Variants in SNX18 observed in about 807,000 individuals in gnomAD.
SNX18 encodes the protein sorting nexin-18.
Under a neutral mutation model 48.7 loss-of-function variants are expected in SNX18, and 35 were observed. The observed-to-expected ratio is 0.72, with a 90% CI of 0.55 to 0.95. The LOEUF is 0.95. SNX18 is among the 40% of genes least tolerant of loss of function. SNX18 has a pLI of 0.00. For synonymous variants in SNX18, 492 were observed against 384.7 expected, an observed-to-expected ratio of 1.28 and a Z score of -3.26; for missense variants, 824 against 871.0, an observed-to-expected ratio of 0.95 and a Z score of 0.68.
chr5:54,552,071 C>T, the SNX18 span, among the ~76,000 whole-genome samples: 2 of 152,218 alleles, frequency 1.3e-5, no homozygotes, highest in East Asian at 3.9e-4. Context: ...GAGGAGAGAG[C>T]AGCCACAGTG....
At chr5:54,575,031 C>A in the SNX18 span, among the ~76,000 whole-genome samples, 1 of 152,070 alleles carries the variant, frequency 6.6e-6, no homozygotes, top group East Asian at 1.9e-4. Flanking sequence ...CTTGTTGCAC[C>A]TTGCCACTTC....
chr5:54,588,471 G>T, the SNX18 span, among the ~76,000 whole-genome samples: 5 of 151,626 alleles, frequency 3.3e-5, no homozygotes, highest in African/African-American at 1.2e-4. Flanking sequence ...GGGACCACAG[G>T]CACCCACCAC....
the SNX18 span, among the ~76,000 whole-genome samples, chr5:54,636,810 C>T: frequency 9.2e-5 from 14 of 152,296 alleles, no homozygotes; most frequent in African/African-American, 3.4e-4. Flanking sequence ...AACTCACTTA[C>T]TCCTCACAGT....
At chr5:54,578,539 G>A in the SNX18 span, among the ~76,000 whole-genome samples, 11 of 152,200 alleles carry the variant, frequency 7.2e-5, no homozygotes, top group African/African-American at 2.7e-4. Context: ...GTTAATTAAA[G>A]GTCATGAAGA....
At chr5:54,550,883 C>T (rs1580114963), downstream of SNX18, among the ~76,000 whole-genome samples, 1 of 152,188 alleles carries the variant, frequency 6.6e-6, no homozygotes, top group South Asian at 2.1e-4. Context: ...CTGCGCCTGG[C>T]CTATGTGTAG....
the SNX18 span, among the ~76,000 whole-genome samples, chr5:54,619,964 T>C: frequency 6.6e-6 from 1 of 152,166 alleles, no homozygotes; most frequent in East Asian, 1.9e-4. Flanking sequence ...AAAGTAAGCA[T>C]GTGAAATTAC....
At position 54,518,648 on chromosome 5, in the gene SNX18, C is replaced by T. The variant is rs376563449; in HGVS notation, c.696C>T (p.Phe232=). The T allele has an allele frequency of 1.3e-4, 199 of 1,558,956 alleles. 1 individual carries two copies. The highest frequency in any genetic ancestry group is 1.6e-4 in the Non-Finnish European group (188 of 1,153,912). ...SATVSRNLNR[F]STFVKSGGEA... ...CCGTGAGCCGCAACCTCAATCGCTTCTCCACCTTCGTCAAGTCCGGCGGGG... is the reference window on the plus strand; with the variant it reads ...CCGTGAGCCGCAACCTCAATCGCTTTTCCACCTTCGTCAAGTCCGGCGGGG... Residue 232 remains phenylalanine (F), a synonymous_variant, in exon 1 of 2, where the codon TTC becomes TTT. Coordinates refer to ENST00000381410, the MANE Select transcript of SNX18 (RefSeq NM_001102575.2).
At chr5:54,555,373 C>T in the SNX18 span, among the ~76,000 whole-genome samples, 108,704 of 151,014 alleles carry the variant, frequency 0.72, 39,803 homozygotes, top group Non-Finnish European at 0.79. Flanking sequence ...ACCCGGCATA[C>T]CTTTCTTTTT....
At chr5:54,605,323 G>A in the SNX18 span, among the ~76,000 whole-genome samples, 34 of 152,226 alleles carry the variant, frequency 2.2e-4, no homozygotes, top group African/African-American at 7.9e-4. Context: ...AATTGTTCCA[G>A]AGTAGTACCA....
chr5:54,611,705 C>T, the SNX18 span, among the ~76,000 whole-genome samples: 2 of 151,984 alleles, frequency 1.3e-5, no homozygotes. Flanking sequence ...AAAGCATAAA[C>T]GCCACTCACA....
At chr5:54,641,660 A>C in the SNX18 span, among the ~76,000 whole-genome samples, 3 of 152,176 alleles carry the variant, frequency 2.0e-5, no homozygotes, top group Non-Finnish European at 4.4e-5. Context: ...CACAACAAAA[A>C]TTTTTATCCC....
At chr5:54,580,211 T>C in the SNX18 span, among the ~76,000 whole-genome samples, 2 of 152,204 alleles carry the variant, frequency 1.3e-5, no homozygotes, top group Admixed American at 1.3e-4. Flanking sequence ...AAGCATTTAC[T>C]ACAGCTGGCC....
Position 54,518,294 on chromosome 5 carries a change from G to C in SNX18, c.342G>C (p.Pro114=). ...FQALLQPQQA[P]PPSTFQPPGA... Reference sequence around the variant, plus strand: ...CGCTGCTGCAGCCACAGCAGGCGCCGCCTCCGAGCACCTTCCAGCCGCCCG... The same window carrying C: ...CGCTGCTGCAGCCACAGCAGGCGCCCCCTCCGAGCACCTTCCAGCCGCCCG... Residue 114 remains proline, a synonymous_variant, in exon 1 of 2, where the codon CCG becomes CCC. Transcript: ENST00000381410. The C allele has an allele frequency of 6.6e-7, 1 of 1,506,530 alleles. No individual in the cohort carries two copies. The highest frequency in any genetic ancestry group is 8.8e-7 in the Non-Finnish European group (1 of 1,131,712). The allele number at this position is 1,506,530 out of a possible 1,614,324, so 93.3% of individuals were successfully genotyped here. A position where few individuals can be genotyped will look rare whatever the true frequency, so the allele number is the denominator to read the frequency against.
chr5:54,612,878 A>AC, the SNX18 span, among the ~76,000 whole-genome samples: 2 of 151,998 alleles, frequency 1.3e-5, no homozygotes, highest in African/African-American at 4.8e-5. Flanking sequence ...ACCCACCCTC[A>AC]CCCCAGACAC....
rs1342591395 is a variant in SNX18, at chr5:54,546,145, A to G, written c.*2713A>G. 1 of 152,222 alleles carries G rather than the reference A, an allele frequency of 6.6e-6. No individual in the cohort carries two copies. The highest frequency in any genetic ancestry group is 1.5e-5 in the Non-Finnish European group (1 of 68,044). The allele number at this position is 152,222 out of a possible 1,614,324, so 9.4% of individuals were successfully genotyped here. On this transcript the variant is annotated 3_prime_UTR_variant, in exon 2 of 2. Coordinates refer to ENST00000381410, the MANE Select transcript of SNX18 (RefSeq NM_001102575.2). Reference sequence around the variant, plus strand: ...GTGCACGAATATTATAGTAATTGAGATTTTCCCAGGCTTCACTGATACAGT... The same window carrying G: ...GTGCACGAATATTATAGTAATTGAGGTTTTCCCAGGCTTCACTGATACAGT...
At chr5:54,591,205 G>A in the SNX18 span, among the ~76,000 whole-genome samples, 5 of 151,242 alleles carry the variant, frequency 3.3e-5, no homozygotes, top group African/African-American at 7.3e-5. Context: ...TTTGAGACAC[G>A]CTTTTGTTCT....
chr5:54,591,175 T>G, the SNX18 span, among the ~76,000 whole-genome samples: 94 of 151,902 alleles, frequency 6.2e-4, no homozygotes, highest in Middle Eastern at 0.017. Context: ...TTGGGTTTTT[T>G]TTTTGTTTTG....
the SNX18 span, among the ~76,000 whole-genome samples, chr5:54,558,469 G>A: frequency 6.6e-6 from 1 of 152,102 alleles, no homozygotes; most frequent in African/African-American, 2.4e-5. Context: ...CCATGTTGAG[G>A]TAACTTATTA....
At chr5:54,541,218 G>C (rs1452900215) in intron 1 of SNX18, among the ~76,000 whole-genome samples, 2 of 151,956 alleles carry the variant, frequency 1.3e-5, no homozygotes, top group African/African-American at 4.8e-5. Flanking sequence ...AGTAGAGACA[G>C]GGTTTCACCA....
Sources: allele counts gnomAD v4.1 joint callset (sites outside exome capture counted in the v4.1 genomes callset), GRCh38; gene constraint gnomAD v4.1.1; transcripts MANE v1.5; gene names NCBI Gene and HGNC (gene_info 2026-07-23, HGNC 2026-07-21).